IGSF6: variants seen among roughly 807,000 people sequenced by gnomAD.
IGSF6 encodes immunoglobulin superfamily member 6, also known as down-regulated by activation (immunoglobulin superfamily).
In IGSF6, 23 loss-of-function variants were observed where a neutral mutation model predicts 24.7. That is an observed-to-expected ratio of 0.93 (90% CI 0.67 to 1.32). IGSF6 has a LOEUF of 1.32. Ranked by LOEUF, IGSF6 falls within the 40% of genes most tolerant of loss-of-function variation. IGSF6 has a pLI of 0.00. For synonymous variants in IGSF6, 110 were observed against 113.7 expected (o/e 0.97, Z 0.21); for missense variants, 295 against 293.6 (o/e 1.00, Z -0.04).
At chr16:21,648,845 A>G (rs1005558176) in intron 1 of IGSF6, among the ~76,000 whole-genome samples, 1 of 152,218 alleles carries the variant, frequency 6.6e-6, no homozygotes, top group African/African-American at 2.4e-5. Flanking sequence ...AAGTCATCCA[A>G]GTGGTCTGAT....
Position 21,640,625 on chromosome 16 carries a change from G to A in IGSF6, c.*909C>T, listed in dbSNP as rs1048464961. On this transcript the variant is annotated 3_prime_UTR_variant, in exon 6 of 6. Transcript: ENST00000268389. ...AAAAAAAAAAAAAAAAAATTAGCCG[G>A]GCGTGGTGGTGCGTACCTGTAATCC... 3 of 150,310 alleles carry A rather than the reference G, an allele frequency of 2.0e-5. No individual in the cohort carries two copies. Among genetic ancestry groups the A allele is most frequent in the South Asian group, 2.1e-4 (1 of 4,758 alleles). 9.3% of individuals were successfully genotyped at this position (150,310 alleles called of 1,614,324 possible).
chr16:21,647,494 T>C lies in IGSF6; in HGVS notation c.68-2A>G. 6.2e-7 allele frequency: 1 copy of C among 1,605,014 alleles called. No homozygotes were observed. Among genetic ancestry groups the C allele is most frequent in the Non-Finnish European group, 8.5e-7 (1 of 1,172,884 alleles). Reference sequence around the variant, plus strand: ...AGAGAGTACAGGCGCCCACAGCACCTGTGGGAGGAAGCAGATGAGTGGGTT... The same window carrying C: ...AGAGAGTACAGGCGCCCACAGCACCCGTGGGAGGAAGCAGATGAGTGGGTT... On this transcript the variant is annotated splice_acceptor_variant, in intron 1 of 5. Coordinates refer to ENST00000268389, the MANE Select transcript of IGSF6 (RefSeq NM_005849.4). LOFTEE classifies it high-confidence loss of function.
At chr16:21,651,485 GAA>G (rs1259173561) in intron 1 of IGSF6, among the ~76,000 whole-genome samples, 1 of 151,864 alleles carries the variant, frequency 6.6e-6, no homozygotes, top group East Asian at 1.9e-4. Context: ...TTCTTGTGTA[GAA>G]ATGGGGGTCT....
chr16:21,643,654 G>A, intron 3 of IGSF6, 56 bp from the exon 4 acceptor site: 1 of 1,158,776 alleles, frequency 8.6e-7, no homozygotes, highest in Non-Finnish European at 1.3e-6. Flanking sequence ...TAACAATGGT[G>A]GCAGATATCT....
intron 1 of IGSF6, among the ~76,000 whole-genome samples, chr16:21,649,572 G>A (rs187725468): frequency 2.0e-5 from 3 of 152,270 alleles, no homozygotes; most frequent in Admixed American, 6.5e-5. Flanking sequence ...TATACTGAGT[G>A]GAAATTTAAA....
chr16:21,644,534 A>C, intron 2 of IGSF6, 138 bp from the exon 3 acceptor site: 2 of 610,896 alleles, frequency 3.3e-6, no homozygotes, highest in Non-Finnish European at 5.8e-6. Flanking sequence ...TAAAAACTAG[A>C]CCTCAAAAGG....
chr16:21,643,455 A>G (rs986733401), intron 4 of IGSF6, 93 bp downstream of exon 4: 1 of 806,426 alleles, frequency 1.2e-6, no homozygotes, highest in Non-Finnish European at 2.0e-6. Flanking sequence ...TAAACTTAAC[A>G]TTTAAATATT....
Position 21,647,135 on chromosome 16 carries a change from C to T in IGSF6, c.425G>A (p.Arg142Lys), listed in dbSNP as rs766865720. 11 of 1,614,204 alleles carry T rather than the reference C, an allele frequency of 6.8e-6. No individual in the cohort carries two copies. In the South Asian group the frequency reaches 9.9e-5, roughly 15 times the overall value. ...GAAATAAAGCCTCGCTGACTGACCT[C>T]TTACCACCAGTGTGGTCCCTCCTCC... Reference protein sequence around the residue: ...QTGGGTTLVVREIKLLSKELR... With the variant: ...QTGGGTTLVVKEIKLLSKELR... The change falls in exon 2 of 6, where the codon AGA (arginine) becomes AAA (lysine). Residue 142 changes from arginine to lysine, a missense_variant and splice_region_variant. Coordinates refer to ENST00000268389, the MANE Select transcript of IGSF6 (RefSeq NM_005849.4).
At position 21,643,141 on chromosome 16, in the gene IGSF6, C is replaced by G; in HGVS notation, c.599G>C (p.Arg200Pro). 1.9e-6 allele frequency: 3 copies of G among 1,606,094 alleles called. No individual in the cohort carries two copies. The highest frequency in any genetic ancestry group is 2.6e-6 in the Non-Finnish European group (3 of 1,176,320). Residue 200 changes from arginine (R) to proline (P), a missense_variant, in exon 5 of 6, where the codon CGG becomes CCG. Physicochemically the swap from Arg to Pro is moderately radical, Grantham distance 103 (BLOSUM62 -2). Coordinates refer to ENST00000268389, the MANE Select transcript of IGSF6 (RefSeq NM_005849.4). ...KEDSQKKKSA[R>P]RIFQEIAQEL... ...TTGAGCAATTTCCTGAAAAATACGC[C>G]GAGCACTCTTCTTCTATAAAGACAA...
intron 4 of IGSF6, 60 bp from the exon 5 acceptor site, chr16:21,643,214 G>A (rs1966324474): frequency 1.5e-5 from 19 of 1,285,378 alleles, no homozygotes; most frequent in African/African-American, 2.9e-5. Context: ...TGATAACGAC[G>A]CATCATCAGA....
In IGSF6 at chr16:21,640,264, C is replaced by T. The variant is rs1360601380; in HGVS notation, c.*1270G>A. 1 of 150,978 alleles carries T rather than the reference C, an allele frequency of 6.6e-6. No individual in the cohort carries two copies. The highest frequency in any genetic ancestry group is 1.5e-5 in the Non-Finnish European group (1 of 67,802). 9.4% of individuals were successfully genotyped at this position (150,978 alleles called of 1,614,324 possible). A position where few individuals can be genotyped will look rare whatever the true frequency, so the allele number is the denominator to read the frequency against. On this transcript the variant is annotated 3_prime_UTR_variant, in exon 6 of 6. Coordinates refer to ENST00000268389, the MANE Select transcript of IGSF6 (RefSeq NM_005849.4). ...AAAAGAGACACTTTAATGAAATAAA[C>T]ATAGTAGGTTGTAAGGTTGTAATTT...
intron 1 of IGSF6, chr16:21,652,188 C>T (rs912452506): frequency 5.7e-6 from 1 of 176,554 alleles, no homozygotes; most frequent in Non-Finnish European, 1.2e-5. Flanking sequence ...AAATATTCAG[C>T]AAATAATCAT....
At position 21,640,202 on chromosome 16, in the gene IGSF6, T is replaced by G. The variant is rs1187044658; in HGVS notation, c.*1332A>C. On this transcript the variant is annotated 3_prime_UTR_variant, in exon 6 of 6. Coordinates refer to ENST00000268389, the MANE Select transcript of IGSF6 (RefSeq NM_005849.4). ...ATTCACCTGCCTCAGCCTCCCAAAG[T>G]GTTGGGATTACAGGCGTGAGCCACC... The G allele has an allele frequency of 6.6e-6, 1 of 152,036 alleles. No individual in the cohort carries two copies. The highest frequency in any genetic ancestry group is 2.4e-5 in the African/African-American group (1 of 41,376). The allele number at this position is 152,036 out of a possible 1,614,324, so 9.4% of individuals were successfully genotyped here. A position where few individuals can be genotyped will look rare whatever the true frequency, so the allele number is the denominator to read the frequency against.
Position 21,652,574 on chromosome 16 carries a change from T to C in IGSF6, c.25A>G (p.Ile9Val), listed in dbSNP as rs1276905210. 10 of 1,610,728 alleles carry C rather than the reference T, an allele frequency of 6.2e-6. No individual in the cohort carries two copies. In the East Asian group the frequency reaches 2.0e-4, roughly 32 times the overall value. The change falls in exon 1 of 6, where the codon ATC (isoleucine) becomes GTC (valine). Residue 9 changes from isoleucine (I) to valine (V), a missense_variant. Coordinates refer to ENST00000268389, the MANE Select transcript of IGSF6 (RefSeq NM_005849.4). MGTASRSN[I>V]ARHLQTNLIL... ...AGATTGGTTTGCAGATGGCGAGCGATGTTGCTTCTGCTCGCAGTCCCCATT... is the reference window on the plus strand; with the variant it reads ...AGATTGGTTTGCAGATGGCGAGCGACGTTGCTTCTGCTCGCAGTCCCCATT...
At chr16:21,646,717 C>A in intron 2 of IGSF6, 1 of 284,022 alleles carries the variant, frequency 3.5e-6, no homozygotes, top group Non-Finnish European at 7.0e-6. Flanking sequence ...TGCAGTAGTG[C>A]GATCTCGGTT....
Position 21,641,514 on chromosome 16 carries a change from C to A in IGSF6, c.*20G>T. The A allele has an allele frequency of 1.3e-6, 2 of 1,505,874 alleles. No individual in the cohort carries two copies. The highest frequency in any genetic ancestry group is 1.8e-6 in the Non-Finnish European group (2 of 1,089,670). 93.3% of individuals were successfully genotyped at this position (1,505,874 alleles called of 1,614,324 possible). On this transcript the variant is annotated 3_prime_UTR_variant, in exon 6 of 6. Transcript: ENST00000268389. The stretch of plus-strand genomic sequence containing the variant: ...CCTGGAGTTGGATTTTCAGTGACTT[C>A]ATTGAAAATTAAAACGTTTCTATGG...
chr16:21,641,002 A>G lies in IGSF6; in HGVS notation c.*532T>C, dbSNP rs774984789. 6.6e-6 allele frequency: 1 copy of G among 152,226 alleles called. No homozygotes were observed. Among genetic ancestry groups the G allele is most frequent in the Non-Finnish European group, 1.5e-5 (1 of 68,116 alleles). The allele number at this position is 152,226 out of a possible 1,614,324, so 9.4% of individuals were successfully genotyped here. ...ATATTATTCTCATTTTGCTGATAGC[A>G]TGATGTAAGTTACTTTGCATACCCT... On this transcript the variant is annotated 3_prime_UTR_variant, in exon 6 of 6. Transcript: ENST00000268389.
At chr16:21,642,636 T>G (rs1272948731) in intron 5 of IGSF6, among the ~76,000 whole-genome samples, 1 of 152,226 alleles carries the variant, frequency 6.6e-6, no homozygotes, top group African/African-American at 2.4e-5. Flanking sequence ...TTTTTTAATA[T>G]CATTAGCTGC....
chr16:21,646,961 G>T, intron 2 of IGSF6, 172 bp downstream of exon 2: 2 of 829,420 alleles, frequency 2.4e-6, no homozygotes, highest in South Asian at 1.5e-5. Flanking sequence ...GCCAGTTGGA[G>T]TAGTTCTTTA....
Sources: gnomAD v4.1 joint callset for allele counts (sites outside exome capture counted in the v4.1 genomes callset) on GRCh38, gnomAD v4.1.1 for gene constraint, MANE v1.5 for transcripts, NCBI Gene and HGNC (gene_info 2026-07-23, HGNC 2026-07-21) for gene names.